ACTN4: variants seen among roughly 807,000 people sequenced by gnomAD.
The protein encoded by ACTN4 is actinin alpha 4.
Under a neutral mutation model 114.2 loss-of-function variants are expected in ACTN4, and 18 were observed. The observed-to-expected ratio is 0.16, with a 90% CI of 0.11 to 0.23. The LOEUF (loss-of-function observed/expected upper bound fraction) is 0.23. Among genes scored for constraint, ACTN4 ranks in the 10% least tolerant of loss-of-function variants. ACTN4 has a pLI of 1.00. For synonymous variants in ACTN4, 515 were observed against 506.3 expected (o/e 1.02, Z -0.23); for missense variants, 722 against 1,262.9 (o/e 0.57, Z 6.49).
chr19:38,667,140 C>T (rs1325371357), intron 1 of ACTN4, among the ~76,000 whole-genome samples: 2 of 152,188 alleles, frequency 1.3e-5, no homozygotes, highest in African/African-American at 2.4e-5. Flanking sequence ...TGACCTGACA[C>T]GATGGCTCAG....
chr19:38,726,038 C>T, intron 17 of ACTN4, 135 bp downstream of exon 17: 1 of 1,277,612 alleles, frequency 7.8e-7, no homozygotes, highest in Non-Finnish European at 1.1e-6. Flanking sequence ...TTGAAGAGAC[C>T]AGCACTTTGG....
At chr19:38,692,279 G>A (rs1967955576) in intron 1 of ACTN4, among the ~76,000 whole-genome samples, 1 of 152,262 alleles carries the variant, frequency 6.6e-6, no homozygotes, top group Admixed American at 6.5e-5. Context: ...TCCTGGACAG[G>A]CTGCCCCGTG....
intron 1 of ACTN4, among the ~76,000 whole-genome samples, chr19:38,699,670 G>A (rs1214242477): frequency 1.3e-5 from 2 of 151,826 alleles, no homozygotes; most frequent in East Asian, 1.9e-4. Flanking sequence ...CATGAGAATC[G>A]CTTGAACCCA....
chr19:38,719,479 A>C (rs1187346421), intron 11 of ACTN4, among the ~76,000 whole-genome samples: 1 of 152,246 alleles, frequency 6.6e-6, no homozygotes, highest in East Asian at 1.9e-4. Flanking sequence ...AGAGCAGCCC[A>C]GCCCCTTTGC....
In ACTN4 at chr19:38,677,154, G is replaced by C. The variant is rs565077169; in HGVS notation, c.163-23446G>C. The stretch of plus-strand genomic sequence containing the variant: ...CAGTTTATGCTTCACTATTTGTAGG[G>C]CCGTCGCACCTGACACCTCCAGCCT... On this transcript the variant is annotated intron_variant, in intron 1 of 20. Coordinates refer to ENST00000252699, the MANE Select transcript of ACTN4 (RefSeq NM_004924.6). 5.3e-5 allele frequency among the ~76,000 whole-genome samples: 8 copies of C among 152,118 alleles called. No homozygotes were observed. In the South Asian group the frequency reaches 1.7e-3, roughly 32 times the overall value.
intron 1 of ACTN4, among the ~76,000 whole-genome samples, chr19:38,663,596 G>A (rs932523508): frequency 4.6e-5 from 7 of 152,222 alleles, no homozygotes; most frequent in Admixed American, 6.5e-5. Flanking sequence ...CTTTGCCCCC[G>A]CTGCGGGCAG....
chr19:38,657,368 C>T (rs536201631), intron 1 of ACTN4, among the ~76,000 whole-genome samples: 2 of 152,240 alleles, frequency 1.3e-5, no homozygotes, highest in African/African-American at 4.8e-5. Context: ...GTCTTGAGCT[C>T]CTGACCTTAA....
At position 38,723,708 on chromosome 19, in the gene ACTN4, A is replaced by G. The variant is rs1235334766; in HGVS notation, c.1537A>G (p.Arg513Gly). ...CCTCGGCTCTCTGACACATAGTCGC[A>G]GGGAAGCCCTGGAGGTGAGGAGGGG... ...DALGSLTHSR[R>G]EALEKTEKQL... Residue 513 changes from arginine (R) to glycine (G), a missense_variant, in exon 13 of 21, where the codon AGG becomes GGG. Physicochemically the swap from Arg to Gly is moderately radical, Grantham distance 125. Around this residue, in one of 3 missense-constraint regions of ACTN4, gnomAD observed 523 missense variants for 875.9 expected, o/e 0.60. Transcript: ENST00000252699. The G allele has an allele frequency of 1.9e-6, 3 of 1,611,014 alleles. No individual in the cohort carries two copies. The highest frequency in any genetic ancestry group is 1.3e-5 in the African/African-American group (1 of 74,952).
At chr19:38,723,743 C>G (rs1158389699) in intron 13 of ACTN4, 21 bp downstream of exon 13, 2 of 1,580,818 alleles carry the variant, frequency 1.3e-6, no homozygotes. Context: ...GGTGACATCA[C>G]CCACGGAGCT....
chr19:38,708,974 G>T (rs1351200699), intron 6 of ACTN4, among the ~76,000 whole-genome samples: 1 of 152,126 alleles, frequency 6.6e-6, no homozygotes, highest in Non-Finnish European at 1.5e-5. Flanking sequence ...GGGGCTGGGG[G>T]ACACTTTAGG....
At chr19:38,719,110 G>A (rs555175214) in intron 11 of ACTN4, among the ~76,000 whole-genome samples, 2 of 152,340 alleles carry the variant, frequency 1.3e-5, no homozygotes, top group Admixed American at 6.5e-5. Context: ...GGCTCCAGAT[G>A]TGGGATTTCA....
intron 1 of ACTN4, among the ~76,000 whole-genome samples, chr19:38,648,852 G>A (rs1484024918): frequency 6.6e-6 from 1 of 151,914 alleles, no homozygotes; most frequent in Admixed American, 6.6e-5. Context: ...GAGAGAATGA[G>A]GAAGTGTAGA....
In ACTN4 at chr19:38,729,487, G is replaced by A; in HGVS notation, c.*55G>A. 7.2e-7 allele frequency: 1 copy of A among 1,379,692 alleles called. No homozygotes were observed. The highest frequency in any genetic ancestry group is 9.6e-7 in the Non-Finnish European group (1 of 1,042,012). The allele number at this position is 1,379,692 out of a possible 1,614,324, so 85.5% of individuals were successfully genotyped here. On this transcript the variant is annotated 3_prime_UTR_variant, in exon 21 of 21. Coordinates refer to ENST00000252699, the MANE Select transcript of ACTN4 (RefSeq NM_004924.6). ...ACGGCCTCCAGGAGGGGCCTGGGCA[G>A]CCCCACAGTCCCATTCCTCCACTCT... is the stretch of plus-strand genomic sequence containing the variant.
rs541376158 is a variant in ACTN4 at position 38,675,538 on chromosome 19, T to C, written c.163-25062T>C. On this transcript the variant is annotated intron_variant, in intron 1 of 20. Coordinates refer to ENST00000252699, the MANE Select transcript of ACTN4 (RefSeq NM_004924.6). ...CGTGAGCCGCTGCCCCTGGTGACTT[T>C]GTTGCTTTTTAATAAGCCCAGAAAT... 6.6e-5 allele frequency among the ~76,000 whole-genome samples: 10 copies of C among 152,382 alleles called. No individual in the cohort carries two copies. The East Asian group carries it at 1.5e-3, about 23-fold the overall frequency.
chr19:38,662,945 G>A (rs1976933992), intron 1 of ACTN4, among the ~76,000 whole-genome samples: 1 of 150,080 alleles, frequency 6.7e-6, no homozygotes, highest in Non-Finnish European at 1.5e-5. Context: ...TTTCCCTCTT[G>A]TTGTTCAGGA....
chr19:38,682,041 G>T (rs1390650654), intron 1 of ACTN4, among the ~76,000 whole-genome samples: 1 of 152,146 alleles, frequency 6.6e-6, no homozygotes, highest in Non-Finnish European at 1.5e-5. Flanking sequence ...ATGTTGACCA[G>T]GCTGGTATCA....
At chr19:38,687,033 G>T (rs542750762) in intron 1 of ACTN4, among the ~76,000 whole-genome samples, 1 of 148,170 alleles carries the variant, frequency 6.7e-6, no homozygotes, top group East Asian at 2.1e-4. Context: ...GCACAATCTC[G>T]GCTCACTGCA....
At chr19:38,711,181 T>G in intron 8 of ACTN4, 1 of 529,756 alleles carries the variant, frequency 1.9e-6, no homozygotes. Flanking sequence ...GCAAGTGCTC[T>G]TCCTCCTGCA....
chr19:38,705,055 T>G, intron 4 of ACTN4, 35 bp downstream of exon 4: 3 of 1,582,948 alleles, frequency 1.9e-6, no homozygotes, highest in Non-Finnish European at 1.7e-6. Context: ...GCTTCCCACC[T>G]GAGTCAGGGC....
Sources: allele counts gnomAD v4.1 joint callset (sites outside exome capture counted in the v4.1 genomes callset), GRCh38; gene constraint gnomAD v4.1.1; regional missense constraint gnomAD v4.1.1; transcripts MANE v1.5; gene names NCBI Gene and HGNC (gene_info 2026-07-23, HGNC 2026-07-21).